Variants in SATB1 observed in about 807,000 individuals in gnomAD.
SATB1 encodes the protein DNA-binding protein SATB1.
Under a neutral mutation model 86.9 loss-of-function variants are expected in SATB1, and 11 were observed. The ratio of observed to expected loss-of-function variants is 0.13; its 90% CI spans 0.08 to 0.21. The LOEUF is 0.21. Ranked by LOEUF, SATB1 falls within the 10% of genes least tolerant of loss-of-function variation. The probability of loss-of-function intolerance (pLI) is 1.00; values close to 1 mark genes in which losing one functional copy is unlikely to be tolerated. For synonymous variants in SATB1, 357 were observed against 357.2 expected, an observed-to-expected ratio of 1.00 and a Z score of 0.01; for missense variants, 551 against 937.6, an observed-to-expected ratio of 0.59 and a Z score of 5.39.
Position 18,348,898 on chromosome 3 carries a change from G to T in SATB1, c.*272C>A. 2.1e-6 allele frequency: 1 copy of T among 468,260 alleles called. No individual in the cohort carries two copies. The highest frequency in any genetic ancestry group is 3.8e-6 in the Non-Finnish European group (1 of 265,462). 29.0% of individuals were successfully genotyped at this position (468,260 alleles called of 1,614,324 possible). ...AAAAAACACTGGTTTCATGCTTACG[G>T]GGTACACACTTTGGTGCATCCCGTG... On this transcript the variant is annotated 3_prime_UTR_variant, in exon 11 of 11. Transcript: ENST00000338745.
intron 5 of SATB1, among the ~76,000 whole-genome samples, chr3:18,404,671 T>G (rs960517963): frequency 6.6e-6 from 1 of 152,062 alleles, no homozygotes; most frequent in Non-Finnish European, 1.5e-5. Flanking sequence ...GTTCACAGTT[T>G]ATATGGCTCT....
At position 18,444,484 on chromosome 3, in the gene SATB1, G is replaced by A. The variant is rs1699327772; in HGVS notation, c.-25+1034C>T. ...GCGCCCACGAGAGGGGAGCCCAGCC[G>A]CCCCAATAGGGGACGAGGAGTGGGT... On this transcript the variant is annotated intron_variant, in intron 1 of 3. Coordinates refer to the SATB1 transcript ENST00000415069. This position sits in a 1 kb window ranked among gnomAD's most constrained non-coding sequence, Gnocchi z 5.1. 2 of 674,758 alleles carry A rather than the reference G, an allele frequency of 3.0e-6. No individual in the cohort carries two copies. The highest frequency in any genetic ancestry group is 3.7e-6 in the Non-Finnish European group (2 of 546,372). The allele number at this position is 674,758 out of a possible 1,614,324, so 41.8% of individuals were successfully genotyped here. A position where few individuals can be genotyped will look rare whatever the true frequency, so the allele number is the denominator to read the frequency against.
chr3:18,371,356 T>A (rs1403207125), intron 9 of SATB1, among the ~76,000 whole-genome samples: 1 of 152,144 alleles, frequency 6.6e-6, no homozygotes, highest in African/African-American at 2.4e-5. Flanking sequence ...AATTACAGAG[T>A]AGTTATATGT....
At chr3:18,421,012 G>C in intron 1 of SATB1, 21 bp from the exon 2 acceptor site, 1 of 1,588,130 alleles carries the variant, frequency 6.3e-7, no homozygotes, top group Non-Finnish European at 8.6e-7. Context: ...TTAAAAAGAA[G>C]ACACGTTATA....
At chr3:18,410,532 G>C (rs546356012) in intron 5 of SATB1, among the ~76,000 whole-genome samples, 5 of 152,012 alleles carry the variant, frequency 3.3e-5, no homozygotes, top group East Asian at 1.9e-4. Context: ...AGGCGCTCTC[G>C]ATACATCAAA....
chr3:18,379,368 A>G (rs1695926531), intron 8 of SATB1, among the ~76,000 whole-genome samples: 1 of 152,228 alleles, frequency 6.6e-6, no homozygotes, highest in Non-Finnish European at 1.5e-5. Flanking sequence ...ATGAAAAATT[A>G]CTACAGATAC....
At chr3:18,429,289 A>G (rs1257648290), upstream of SATB1, among the ~76,000 whole-genome samples, 1 of 152,216 alleles carries the variant, frequency 6.6e-6, no homozygotes, top group Non-Finnish European at 1.5e-5. The surrounding 1 kb of genome is among the most constrained non-coding windows in gnomAD (Gnocchi z 4.1). Context: ...CCAAATACCA[A>G]TTTGAAAGAG....
In SATB1 at chr3:18,362,881, A is replaced by AAAAAAAAC. The variant is rs373536891; in HGVS notation, c.1576-10687_1576-10686insGTTTTTTT. On this transcript the variant is annotated intron_variant, in intron 9 of 10. Transcript: ENST00000338745. ...TGTGCAAAAAAAAAAAAAAAAAAAA[A>AAAAAAAAC]CCAAAACCCCAAATAAATATAAGAA... is the stretch of plus-strand genomic sequence containing the variant. Among the ~76,000 whole-genome samples, 650 of 108,018 alleles carry AAAAAAAAC rather than the reference A, an allele frequency of 6.0e-3. 48 individuals are homozygous for AAAAAAAAC. Among genetic ancestry groups the AAAAAAAAC allele is most frequent in the Non-Finnish European group, 8.3e-3 (443 of 53,362 alleles). 70.9% of individuals were successfully genotyped at this position (108,018 alleles called of 152,430 possible).
At chr3:18,355,908 T>C (rs1179536200) in intron 9 of SATB1, among the ~76,000 whole-genome samples, 1 of 152,024 alleles carries the variant, frequency 6.6e-6, no homozygotes, top group Admixed American at 6.6e-5. Flanking sequence ...AACATTACAC[T>C]GCATATAAAG....
At chr3:18,378,506 T>C (rs931574971) in intron 8 of SATB1, among the ~76,000 whole-genome samples, 181 bp from the exon 9 acceptor site, 1 of 152,176 alleles carries the variant, frequency 6.6e-6, no homozygotes, top group Non-Finnish European at 1.5e-5. Context: ...GGAAGTCACA[T>C]TGTCACAGGT....
rs1050846986 is a variant in SATB1, at chr3:18,349,936, G to C, written c.1780-254C>G. 3.8e-6 allele frequency: 2 copies of C among 532,546 alleles called. No homozygotes were observed. The highest frequency in any genetic ancestry group is 3.8e-5 in the African/African-American group (2 of 52,102). 33.0% of individuals were successfully genotyped at this position (532,546 alleles called of 1,614,324 possible). ...ACTTACTTATCAGAGATCAGCAGAG[G>C]AAGTGAAAACTCAGTGCTCTGAAAA... is the stretch of plus-strand genomic sequence containing the variant. On this transcript the variant is annotated intron_variant, in intron 10 of 10. Transcript: ENST00000338745. The surrounding 1 kb of genome is among the most constrained non-coding windows in gnomAD (Gnocchi z 5.5).
intron 8 of SATB1, among the ~76,000 whole-genome samples, chr3:18,384,811 T>A (rs1332883219): frequency 6.6e-6 from 1 of 152,200 alleles, no homozygotes; most frequent in Non-Finnish European, 1.5e-5. Flanking sequence ...TAGAAGCATT[T>A]AGAGATCAAA....
chr3:18,380,497 A>C (rs1481904188), intron 8 of SATB1, among the ~76,000 whole-genome samples: 1 of 152,096 alleles, frequency 6.6e-6, no homozygotes, highest in South Asian at 2.1e-4. Context: ...ATTTTAAAAA[A>C]TCATTTCCTA....
At chr3:18,366,319 T>A (rs1373191361) in intron 9 of SATB1, among the ~76,000 whole-genome samples, 3 of 152,042 alleles carry the variant, frequency 2.0e-5, no homozygotes, top group African/African-American at 4.8e-5. Flanking sequence ...TTGTATTTAC[T>A]CCCTATCTCC....
chr3:18,351,362 A>G (rs1186871333), intron 10 of SATB1: 1 of 1,556,856 alleles, frequency 6.4e-7, no homozygotes, highest in Non-Finnish European at 8.6e-7. Flanking sequence ...GCCTGGTAAG[A>G]AAACGCCTCT....
At chr3:18,401,256 C>T (rs1481666305) in intron 5 of SATB1, among the ~76,000 whole-genome samples, 1 of 152,180 alleles carries the variant, frequency 6.6e-6, no homozygotes, top group Non-Finnish European at 1.5e-5. Context: ...CACCAGAAAT[C>T]CTCTTCCCCT....
intron 2 of SATB1, 66 bp from the exon 3 acceptor site, chr3:18,417,144 G>A (rs1244987426): frequency 2.0e-6 from 3 of 1,513,282 alleles, no homozygotes; most frequent in Non-Finnish European, 2.7e-6. Flanking sequence ...CTTGGGGGTG[G>A]CGGGAGGAAA....
intron 5 of SATB1, chr3:18,408,779 T>C (rs999756481): frequency 6.6e-6 from 1 of 151,904 alleles, no homozygotes; most frequent in Non-Finnish European, 1.5e-5. Flanking sequence ...AGAGCCCAAC[T>C]TCAAGTTTAA....
intron 9 of SATB1, among the ~76,000 whole-genome samples, chr3:18,362,070 C>G (rs1306204938): frequency 6.6e-6 from 1 of 152,054 alleles, no homozygotes; most frequent in Non-Finnish European, 1.5e-5. Flanking sequence ...TCTAACTTTT[C>G]TTGTCTGTCT....
Sources: gnomAD v4.1 joint callset for allele counts (sites outside exome capture counted in the v4.1 genomes callset) on GRCh38, gnomAD v4.1.1 for gene constraint, Gnocchi (gnomAD v3.1) non-coding constraint, MANE v1.5 for transcripts, NCBI Gene and HGNC (gene_info 2026-07-23, HGNC 2026-07-21) for gene names.